The following DCDC2 variants were observed in gnomAD, a reference collection of about 807,000 sequenced individuals.
DCDC2 encodes the protein doublecortin domain containing 2.
A neutral mutation model predicts 50.2 loss-of-function variants in DCDC2; 40 were observed. The observed-to-expected ratio is 0.80, with a 90% confidence interval of 0.62 to 1.04. The LOEUF (loss-of-function observed/expected upper bound fraction) is 1.04. Among genes scored for constraint, DCDC2 ranks in the 50% least tolerant of loss-of-function variants. The pLI is 0.00. For synonymous variants in DCDC2, 234 were observed against 210.6 expected (o/e 1.11, Z -0.96); for missense variants, 570 against 581.9 (o/e 0.98, Z 0.21).
At chr6:24,292,961 C>G (rs1384175943) in intron 4 of DCDC2, among the ~76,000 whole-genome samples, 2 of 152,302 alleles carry the variant, frequency 1.3e-5, no homozygotes, top group East Asian at 3.9e-4. Flanking sequence ...TATCCAAGCA[C>G]TATTTTTCTA....
rs557664167 is a variant in DCDC2 at position 24,298,373 on chromosome 6, A to C, written c.557+3342T>G. On this transcript the variant is annotated intron_variant, in intron 4 of 9. Transcript: ENST00000378454. ...CTATAAATCAATAAGATAAACGTGC[A>C]AAGGCCATGACAGACAGTTCAGATA... 4.5e-4 allele frequency among the ~76,000 whole-genome samples: 69 copies of C among 152,344 alleles called. No homozygotes were observed. In the South Asian group the frequency reaches 0.014, roughly 30 times the overall value.
chr6:24,359,356 TGTATA>T (rs1294643619), upstream of DCDC2, among the ~76,000 whole-genome samples: 2 of 31,622 alleles, frequency 6.3e-5, no homozygotes, highest in Non-Finnish European at 9.3e-5. Flanking sequence ...ATATATTTTA[TGTATA>T]TTATATATTA....
chr6:24,361,343 G>A (rs915906895), upstream of DCDC2, among the ~76,000 whole-genome samples: 2 of 151,716 alleles, frequency 1.3e-5, no homozygotes, highest in African/African-American at 4.8e-5. Flanking sequence ...GTACCTGGGT[G>A]ATGAAATAAT....
At chr6:24,193,714 T>C (rs544768209) in intron 8 of DCDC2, among the ~76,000 whole-genome samples, 1 of 151,902 alleles carries the variant, frequency 6.6e-6, no homozygotes, top group South Asian at 2.1e-4. Context: ...AAAATTATAG[T>C]GGAAAGAAAA....
intron 8 of DCDC2, among the ~76,000 whole-genome samples, chr6:24,179,319 G>C (rs10946684): frequency 6.6e-6 from 1 of 151,622 alleles, no homozygotes; most frequent in South Asian, 2.1e-4. Flanking sequence ...AGGCCGAGGC[G>C]GGCAGATCAT....
intron 8 of DCDC2, among the ~76,000 whole-genome samples, chr6:24,179,953 C>CAA (rs56376644): frequency 0.52 from 44,526 of 85,614 alleles, 13,534 homozygotes; most frequent in Non-Finnish European, 0.62. Context: ...GACTCCATCT[C>CAA]AAAAAAAAAA....
chr6:24,198,296 A>G (rs1195517946), intron 8 of DCDC2, among the ~76,000 whole-genome samples: 2 of 152,138 alleles, frequency 1.3e-5, no homozygotes, highest in Non-Finnish European at 2.9e-5. Flanking sequence ...TTCCCAACTG[A>G]GGTACCCGGC....
At chr6:24,218,658 CT>C (rs1159499886) in intron 7 of DCDC2, among the ~76,000 whole-genome samples, 1 of 152,060 alleles carries the variant, frequency 6.6e-6, no homozygotes, top group African/African-American at 2.4e-5. Context: ...TGACTAATTT[CT>C]TTTGCTTTTT....
intron 8 of DCDC2, among the ~76,000 whole-genome samples, chr6:24,188,741 T>C (rs1304615833): frequency 6.6e-6 from 1 of 152,166 alleles, no homozygotes; most frequent in African/African-American, 2.4e-5. Flanking sequence ...ATACTCTTTA[T>C]AAAGCACAAT....
chr6:24,297,271 C>T (rs183173278), intron 4 of DCDC2, among the ~76,000 whole-genome samples: 2 of 152,074 alleles, frequency 1.3e-5, no homozygotes, highest in East Asian at 1.9e-4. Context: ...AGGACACATG[C>T]GCACAAAGAG....
At chr6:24,330,537 A>T (rs1759947424) in intron 2 of DCDC2, among the ~76,000 whole-genome samples, 1 of 152,218 alleles carries the variant, frequency 6.6e-6, no homozygotes, top group South Asian at 2.1e-4. Context: ...TTTAAAATGG[A>T]CCACCACAAA....
At chr6:24,331,089 T>C (rs1224761604) in intron 2 of DCDC2, among the ~76,000 whole-genome samples, 1 of 152,174 alleles carries the variant, frequency 6.6e-6, no homozygotes, top group Admixed American at 6.6e-5. Flanking sequence ...CTTCCTTCTT[T>C]CACTCAAACA....
upstream of DCDC2, among the ~76,000 whole-genome samples, chr6:24,358,825 T>TAC (rs61207447): frequency 2.0e-5 from 1 of 48,844 alleles, no homozygotes; most frequent in Non-Finnish European, 3.2e-5. Flanking sequence ...AATATATATA[T>TAC]TATATTTATA....
the DCDC2 span, among the ~76,000 whole-genome samples, chr6:24,372,273 A>T: frequency 6.6e-6 from 1 of 152,138 alleles, no homozygotes; most frequent in African/African-American, 2.4e-5. Context: ...ACAAAAAATT[A>T]GCCAGGCATG....
At chr6:24,228,868 A>G (rs1428899217) in intron 7 of DCDC2, among the ~76,000 whole-genome samples, 3 of 152,156 alleles carry the variant, frequency 2.0e-5, no homozygotes, top group African/African-American at 7.2e-5. Flanking sequence ...GTCATAGGTC[A>G]TAATCTCTTG....
At position 24,326,092 on chromosome 6, in the gene DCDC2, G is replaced by A. The variant is rs540163455; in HGVS notation, c.349-24048C>T. Among the ~76,000 whole-genome samples, 36 of 146,948 alleles carry A rather than the reference G, an allele frequency of 2.4e-4. 9 individuals carry two copies. In the East Asian group the frequency reaches 7.5e-3, roughly 31 times the overall value. ...TCCAAAACCAAAGAAAGAAAGAAAGGAAGAGAGGAAAAAAGAGAGAAAGAC... is the reference window on the plus strand; with the variant it reads ...TCCAAAACCAAAGAAAGAAAGAAAGAAAGAGAGGAAAAAAGAGAGAAAGAC... On this transcript the variant is annotated intron_variant, in intron 2 of 9. Coordinates refer to ENST00000378454, the MANE Select transcript of DCDC2 (RefSeq NM_016356.5).
rs911975172 is a variant in DCDC2 at position 24,357,983 on chromosome 6, A to G, written c.-233T>C. On this transcript the variant is annotated 5_prime_UTR_variant, in exon 1 of 10. Transcript: ENST00000378454. ...GCTCAAGTTTTTCACCGTGGCGTGC[A>G]CAGCCAATCAGGACCCGCAGTGCGC... The G allele has an allele frequency of 3.8e-5, 55 of 1,442,848 alleles. 1 individual carries two copies. Among genetic ancestry groups the G allele is most frequent in the Non-Finnish European group, 4.9e-5 (53 of 1,087,536 alleles). The allele number at this position is 1,442,848 out of a possible 1,614,324, so 89.4% of individuals were successfully genotyped here.
chr6:24,365,091 T>C, the DCDC2 span, among the ~76,000 whole-genome samples: 3 of 149,008 alleles, frequency 2.0e-5, no homozygotes, highest in Admixed American at 2.1e-4. Flanking sequence ...GTTCTGGTAA[T>C]GGCTAACCTC....
At chr6:24,367,721 T>A in the DCDC2 span, among the ~76,000 whole-genome samples, 1 of 152,206 alleles carries the variant, frequency 6.6e-6, no homozygotes, top group African/African-American at 2.4e-5. Context: ...AATTTACAGA[T>A]AATCTCCATA....
Sources: gnomAD v4.1 joint callset for allele counts (sites outside exome capture counted in the v4.1 genomes callset) on GRCh38, gnomAD v4.1.1 for gene constraint, MANE v1.5 for transcripts, NCBI Gene and HGNC (gene_info 2026-07-23, HGNC 2026-07-21) for gene names.